RIPOR3: variants seen among roughly 807,000 people sequenced by gnomAD.
RIPOR3 encodes the protein family with sequence similarity 65 member C.
A neutral mutation model predicts 114.3 loss-of-function variants in RIPOR3; 95 were observed. The observed-to-expected ratio is 0.83, with a 90% CI of 0.70 to 0.99. The LOEUF is 0.99. RIPOR3 is among the 50% of genes least tolerant of loss of function. RIPOR3 has a pLI of 0.00. For missense variants in RIPOR3, 1,252 were observed against 1,266.9 expected (o/e 0.99, Z 0.18); for synonymous variants, 575 against 543.8 (o/e 1.06, Z -0.80).
intron 12 of RIPOR3, among the ~76,000 whole-genome samples, chr20:50,603,223 T>A (rs1488522539): frequency 6.6e-6 from 1 of 152,218 alleles, no homozygotes; most frequent in Non-Finnish European, 1.5e-5. Context: ...GAGCAGAGGC[T>A]GGCATATAGT....
At chr20:50,624,644 C>T (rs548522072) in intron 2 of RIPOR3, among the ~76,000 whole-genome samples, 7 of 152,304 alleles carry the variant, frequency 4.6e-5, no homozygotes, top group Middle Eastern at 6.8e-3. Context: ...TCACAGAAGC[C>T]GGGGCAGGAA....
intron 1 of RIPOR3, among the ~76,000 whole-genome samples, chr20:50,677,495 C>A (rs1358855002): frequency 5.3e-5 from 8 of 150,580 alleles, no homozygotes; most frequent in African/African-American, 2.0e-4. Flanking sequence ...CCTCAGCCTC[C>A]TGAGTAGCTG....
intron 1 of RIPOR3, among the ~76,000 whole-genome samples, chr20:50,635,243 G>T (rs1203290528): frequency 6.6e-6 from 1 of 152,192 alleles, no homozygotes; most frequent in African/African-American, 2.4e-5. Context: ...CCCTGCCTCT[G>T]ACCCTTGGGT....
chr20:50,629,028 ATGCCTGCAGG>A (rs2123235177), intron 2 of RIPOR3, among the ~76,000 whole-genome samples: 2 of 152,240 alleles, frequency 1.3e-5, no homozygotes, highest in Admixed American at 1.3e-4. Flanking sequence ...CAGGAAGCCA[ATGCCTGCAGG>A]TGATTCAACG....
At position 50,595,451 on chromosome 20, in the gene RIPOR3, T is replaced by C; in HGVS notation, c.1968A>G (p.Glu656=). The C allele has an allele frequency of 3.1e-6, 5 of 1,614,168 alleles. No homozygotes were observed. Among genetic ancestry groups the C allele is most frequent in the Admixed American group, 1.7e-5 (1 of 60,022 alleles). The change falls in exon 16 of 22, where the codon GAA becomes GAG. Residue 656 remains glutamate, a synonymous_variant. Coordinates refer to ENST00000327979, the MANE Select transcript of RIPOR3 (RefSeq NM_001290268.2). ...CCAGAACGTGCTTTTGCTGTGCCAC[T>C]TCTTCCAGGAGGCATTCCTGGACCA... is the stretch of plus-strand genomic sequence containing the variant. The part of the protein sequence containing the change: ...SRLVQECLLE[E]VAQQKHVLET...
At chr20:50,618,605 C>G (rs889744321) in intron 3 of RIPOR3, among the ~76,000 whole-genome samples, 2 of 152,182 alleles carry the variant, frequency 1.3e-5, no homozygotes, top group Admixed American at 6.5e-5. Context: ...CCTCTGCCTG[C>G]TTACCCTGGC....
chr20:50,631,880 G>T (rs1265637144), intron 1 of RIPOR3, among the ~76,000 whole-genome samples: 1 of 152,212 alleles, frequency 6.6e-6, no homozygotes, highest in African/African-American at 2.4e-5. Context: ...TGCTGCTACA[G>T]TTTCATACTT....
chr20:50,656,263 T>C (rs1052782468), intron 1 of RIPOR3, among the ~76,000 whole-genome samples: 2 of 151,972 alleles, frequency 1.3e-5, no homozygotes, highest in Non-Finnish European at 2.9e-5. Flanking sequence ...GGGCCTGGGT[T>C]TGAATCCTAG....
chr20:50,613,183 C>T (rs141649652), intron 4 of RIPOR3, among the ~76,000 whole-genome samples: 39 of 152,262 alleles, frequency 2.6e-4, no homozygotes, highest in African/African-American at 9.1e-4. Flanking sequence ...TGTGGTGGCT[C>T]ATGCCTATAA....
chr20:50,588,249 G>A (rs1399024077), intron 20 of RIPOR3, among the ~76,000 whole-genome samples: 1 of 152,254 alleles, frequency 6.6e-6, no homozygotes, highest in Non-Finnish European at 1.5e-5. Flanking sequence ...GCCTGTGCCA[G>A]TACTTCGCCC....
chr20:50,616,781 C>T (rs1215905759), intron 3 of RIPOR3, among the ~76,000 whole-genome samples: 1 of 152,220 alleles, frequency 6.6e-6, no homozygotes, highest in Non-Finnish European at 1.5e-5. Flanking sequence ...TCTTCATCCC[C>T]ATGTTATACC....
chr20:50,595,581 C>T (rs1357172509), intron 15 of RIPOR3, 77 bp from the exon 16 acceptor site: 2 of 1,564,824 alleles, frequency 1.3e-6, no homozygotes, highest in Admixed American at 1.7e-5. Context: ...GTGGCTCCCA[C>T]CTGCTTGTGC....
chr20:50,653,905 G>C (rs1391531693), intron 1 of RIPOR3: 1 of 152,068 alleles, frequency 6.6e-6, no homozygotes, highest in African/African-American at 2.4e-5. Flanking sequence ...GCATGATCCA[G>C]AGGTCACTGT....
At chr20:50,664,216 C>T (rs935903052) in intron 1 of RIPOR3, among the ~76,000 whole-genome samples, 17 of 152,264 alleles carry the variant, frequency 1.1e-4, no homozygotes, top group African/African-American at 1.4e-4. Context: ...CGTGAGCCAC[C>T]GCACCTGGCC....
chr20:50,643,690 ATTTC>A (rs1447532278), intron 1 of RIPOR3, among the ~76,000 whole-genome samples: 1 of 147,132 alleles, frequency 6.8e-6, no homozygotes, highest in Non-Finnish European at 1.5e-5. Context: ...AGGCAGGAGG[ATTTC>A]TTTCTTTCTT....
Position 50,631,513 on chromosome 20 carries a change from A to C in RIPOR3, c.4-657T>G, listed in dbSNP as rs144511622. 9.0e-3 allele frequency among the ~76,000 whole-genome samples: 1,375 copies of C among 152,300 alleles called. 18 individuals are homozygous for C. Among genetic ancestry groups the C allele is most frequent in the African/African-American group, 0.032 (1,314 of 41,560 alleles). On this transcript the variant is annotated intron_variant, in intron 1 of 21. Coordinates refer to ENST00000327979, the MANE Select transcript of RIPOR3 (RefSeq NM_001290268.2). ...CAAGAAGCTCAGTGGGCTAAAGACG[A>C]GGTCAGAGAGGCCGGCAGGGCTCAG...
intron 1 of RIPOR3, among the ~76,000 whole-genome samples, chr20:50,659,420 G>T (rs974417754): frequency 8.6e-5 from 13 of 152,034 alleles, no homozygotes; most frequent in African/African-American, 3.1e-4. Context: ...GCTGAAGGGG[G>T]TGGATCACCT....
chr20:50,615,067 C>T (rs972977259), intron 4 of RIPOR3, among the ~76,000 whole-genome samples: 5 of 149,158 alleles, frequency 3.4e-5, no homozygotes, highest in Non-Finnish European at 1.5e-5. Context: ...AAAAACAAAA[C>T]AAAACAAAAC....
At chr20:50,689,568 G>T (rs1290342847) in intron 1 of RIPOR3, among the ~76,000 whole-genome samples, 1 of 152,172 alleles carries the variant, frequency 6.6e-6, no homozygotes, top group African/African-American at 2.4e-5. Context: ...CAGACTCATG[G>T]AATCTCAGGG....
Sources: gnomAD v4.1 joint callset for allele counts (sites outside exome capture counted in the v4.1 genomes callset) on GRCh38, gnomAD v4.1.1 for gene constraint, MANE v1.5 for transcripts, NCBI Gene and HGNC (gene_info 2026-07-23, HGNC 2026-07-21) for gene names.